Variants in GALNT13 observed in about 807,000 individuals in gnomAD.
GALNT13 encodes the protein polypeptide N-acetylgalactosaminyltransferase 13.
Under a neutral mutation model 64.2 loss-of-function variants are expected in GALNT13, and 28 were observed. The ratio of observed to expected loss-of-function variants is 0.44; its 90% CI spans 0.32 to 0.60. The LOEUF (loss-of-function observed/expected upper bound fraction) is 0.60, where lower values mean the gene tolerates loss of function less well. Among genes scored for constraint, GALNT13 ranks in the 20% least tolerant of loss-of-function variants. The pLI is 0.05. For synonymous variants in GALNT13, 214 were observed against 224.6 expected (o/e 0.95, Z 0.42); for missense variants, 577 against 669.8 (o/e 0.86, Z 1.53).
chr2:154,364,545 C>A (rs1244740769), intron 9 of GALNT13, among the ~76,000 whole-genome samples: 3 of 152,294 alleles, frequency 2.0e-5, no homozygotes, highest in East Asian at 1.9e-4. Flanking sequence ...TGAAATCAGA[C>A]CTTTCTTAAA....
At chr2:153,236,126 C>A in the GALNT13 span, among the ~76,000 whole-genome samples, 3 of 152,136 alleles carry the variant, frequency 2.0e-5, no homozygotes, top group Non-Finnish European at 2.9e-5. Context: ...CCTTAACTCT[C>A]TTCAGTTCTT....
intron 3 of GALNT13, among the ~76,000 whole-genome samples, chr2:154,086,693 A>G (rs1701545123): frequency 1.3e-5 from 2 of 152,050 alleles, no homozygotes; most frequent in Admixed American, 1.3e-4. Flanking sequence ...ATTACAAATT[A>G]CAACGTGGTA....
the GALNT13 span, among the ~76,000 whole-genome samples, chr2:153,776,500 C>T: frequency 2.6e-4 from 39 of 152,206 alleles, no homozygotes; most frequent in Admixed American, 1.3e-4. Flanking sequence ...TGCTTCACTA[C>T]AGCTATTAAG....
chr2:154,003,211 A>T (rs1696028455), intron 3 of GALNT13, among the ~76,000 whole-genome samples: 1 of 152,016 alleles, frequency 6.6e-6, no homozygotes, highest in Admixed American at 6.6e-5. Flanking sequence ...AATTTACCCC[A>T]CATCATTGAG....
At chr2:153,397,269 C>CAA in the GALNT13 span, among the ~76,000 whole-genome samples, 1 of 151,974 alleles carries the variant, frequency 6.6e-6, no homozygotes, top group Non-Finnish European at 1.5e-5. Context: ...GGTGTATGTT[C>CAA]AAATCTATGC....
At position 154,050,695 on chromosome 2, in the gene GALNT13, G is replaced by GC. The variant is rs1363347380; in HGVS notation, c.143-89639dup. On this transcript the variant is annotated intron_variant, in intron 3 of 12. Coordinates refer to ENST00000392825, the MANE Select transcript of GALNT13 (RefSeq NM_052917.4). Reference sequence around the variant, plus strand: ...TGTGGAGTACTCAAAGAGTGTTTTTGCCCGGTTTTAACATATGCACATCTG... The same window carrying GC: ...TGTGGAGTACTCAAAGAGTGTTTTTGCCCCGGTTTTAACATATGCACATCTG... 6.6e-5 allele frequency among the ~76,000 whole-genome samples: 10 copies of GC among 152,108 alleles called. No individual in the cohort carries two copies. In the East Asian group the frequency reaches 1.9e-3, roughly 29 times the overall value.
intron 1 of GALNT13, among the ~76,000 whole-genome samples, chr2:153,873,761 C>T (rs1310238380): frequency 6.6e-6 from 1 of 152,094 alleles, no homozygotes; most frequent in Non-Finnish European, 1.5e-5. Context: ...TTCTGGTATC[C>T]TTGAATATTT....
the GALNT13 span, among the ~76,000 whole-genome samples, chr2:153,574,515 T>C: frequency 6.6e-6 from 1 of 152,128 alleles, no homozygotes; most frequent in Admixed American, 6.5e-5. Flanking sequence ...TTTTCTAGAT[T>C]CTGTAGGCAT....
intron 3 of GALNT13, among the ~76,000 whole-genome samples, chr2:154,140,052 G>T (rs1317856321): frequency 6.6e-6 from 1 of 152,010 alleles, no homozygotes; most frequent in Non-Finnish European, 1.5e-5. Flanking sequence ...AATAGTGTAT[G>T]AAATATATGA....
chr2:154,396,185 T>G (rs1404470394), intron 10 of GALNT13, 55 bp downstream of exon 10: 2 of 1,208,600 alleles, frequency 1.7e-6, no homozygotes, highest in Non-Finnish European at 2.3e-6. Flanking sequence ...ATGGAGCAAT[T>G]TCTAAGGAGC....
At position 154,286,981 on chromosome 2, in the gene GALNT13, G is replaced by C. The variant is rs1692303153; in HGVS notation, c.976-14428G>C. ...CACTACCAAGACCCTCAAGTCAGTGGTGGCTCACTTTGATGCAGGAGAACT... is the reference window on the plus strand; with the variant it reads ...CACTACCAAGACCCTCAAGTCAGTGCTGGCTCACTTTGATGCAGGAGAACT... On this transcript the variant is annotated intron_variant, in intron 8 of 12. Coordinates refer to ENST00000392825, the MANE Select transcript of GALNT13 (RefSeq NM_052917.4). 1.4e-5 allele frequency: 8 copies of C among 566,904 alleles called. No individual in the cohort carries two copies. In the South Asian group the frequency reaches 1.4e-4, roughly 10 times the overall value. The allele number at this position is 566,904 out of a possible 1,614,324, so 35.1% of individuals were successfully genotyped here. A position where few individuals can be genotyped will look rare whatever the true frequency, so the allele number is the denominator to read the frequency against.
the GALNT13 span, among the ~76,000 whole-genome samples, chr2:153,707,313 A>T: frequency 2.0e-5 from 3 of 152,242 alleles, no homozygotes; most frequent in African/African-American, 7.2e-5. Flanking sequence ...TAAAAATGCC[A>T]TATGCTTGAT....
chr2:153,262,950 G>A, the GALNT13 span, among the ~76,000 whole-genome samples: 63 of 152,120 alleles, frequency 4.1e-4, no homozygotes, highest in African/African-American at 1.4e-3. Context: ...GTTCTGGCCA[G>A]GGCAATCAGA....
the GALNT13 span, among the ~76,000 whole-genome samples, chr2:153,126,671 T>C: frequency 1.3e-5 from 2 of 152,134 alleles, no homozygotes; most frequent in Admixed American, 1.3e-4. Flanking sequence ...GAAACCAGGA[T>C]TTATTTGTCA....
intron 4 of GALNT13, among the ~76,000 whole-genome samples, chr2:154,200,410 T>C (rs1440048452): frequency 1.3e-5 from 2 of 152,170 alleles, no homozygotes; most frequent in Non-Finnish European, 2.9e-5. Context: ...ACATTACTTT[T>C]AATGCATTTC....
chr2:153,577,819 T>C, the GALNT13 span, among the ~76,000 whole-genome samples: 2 of 150,744 alleles, frequency 1.3e-5, no homozygotes, highest in East Asian at 3.9e-4. Context: ...TTTCTATATA[T>C]GAATAAAATA....
At chr2:153,918,050 T>G (rs1184035351) in intron 2 of GALNT13, among the ~76,000 whole-genome samples, 1 of 152,120 alleles carries the variant, frequency 6.6e-6, no homozygotes. Flanking sequence ...CATCATTACT[T>G]TTTTGGAGAG....
intron 11 of GALNT13, among the ~76,000 whole-genome samples, chr2:154,418,335 T>C (rs1449348782): frequency 6.6e-6 from 1 of 152,140 alleles, no homozygotes; most frequent in African/African-American, 2.4e-5. Context: ...AGCCTGTGTT[T>C]TACCTTATGT....
the GALNT13 span, among the ~76,000 whole-genome samples, chr2:153,846,525 T>A: frequency 1.3e-5 from 2 of 152,132 alleles, no homozygotes; most frequent in African/African-American, 4.8e-5. Context: ...TTGTAAGATG[T>A]TAGATTTAAA....
Sources: gnomAD v4.1 joint callset for allele counts (sites outside exome capture counted in the v4.1 genomes callset) on GRCh38, gnomAD v4.1.1 for gene constraint, MANE v1.5 for transcripts, NCBI Gene and HGNC (gene_info 2026-07-23, HGNC 2026-07-21) for gene names.